NIPBL: variants seen among roughly 807,000 people sequenced by gnomAD.
NIPBL encodes NIPBL cohesin loading factor.
A neutral mutation model predicts 321.8 loss-of-function variants in NIPBL; 19 were observed. The ratio of observed to expected loss-of-function variants is 0.06; its 90% confidence interval spans 0.04 to 0.09. The LOEUF is 0.09. Among genes scored for constraint, NIPBL ranks in the 10% least tolerant of loss-of-function variants. The pLI, the probability that NIPBL is intolerant of heterozygous loss-of-function variation, is 1.00. For synonymous variants in NIPBL, 1,106 were observed against 1,114.1 expected, an observed-to-expected ratio of 0.99 and a Z score of 0.14; for missense variants, 2,210 against 3,327.0, an observed-to-expected ratio of 0.66 and a Z score of 8.26.
At chr5:36,916,865 G>T (rs917242184) in intron 1 of NIPBL, among the ~76,000 whole-genome samples, 9 of 152,244 alleles carry the variant, frequency 5.9e-5, no homozygotes, top group Admixed American at 5.9e-4. Flanking sequence ...ATTCCATGGT[G>T]TATATGTGCC....
At chr5:37,035,500 C>T (rs938486529) in intron 32 of NIPBL, among the ~76,000 whole-genome samples, 1 of 152,146 alleles carries the variant, frequency 6.6e-6, no homozygotes, top group African/African-American at 2.4e-5. Context: ...TTGTGCTGCC[C>T]AAGCTTGTGC....
chr5:37,019,732 C>G (rs1580491606), intron 25 of NIPBL, among the ~76,000 whole-genome samples: 1 of 152,064 alleles, frequency 6.6e-6, no homozygotes, highest in South Asian at 2.1e-4. Context: ...ATCTATAAGC[C>G]TGTAAAAATA....
Position 36,898,511 on chromosome 5 carries a change from CT to C in NIPBL, c.-80+21350del, listed in dbSNP as rs550485997. Among the ~76,000 whole-genome samples, 292 of 135,350 alleles carry C rather than the reference CT, an allele frequency of 2.2e-3. 1 individual carries two copies. Among genetic ancestry groups the C allele is most frequent in the Middle Eastern group, 7.6e-3 (2 of 262 alleles). The allele number at this position is 135,350 out of a possible 152,430, so 88.8% of individuals were successfully genotyped here. ...AATCAAACCTATGTTTTTCTGATTC[CT>C]TTTTTTTTTTTTTTTTGAGACGGAG... is the stretch of plus-strand genomic sequence containing the variant. On this transcript the variant is annotated intron_variant, in intron 1 of 46. Transcript: ENST00000282516.
intron 1 of NIPBL, among the ~76,000 whole-genome samples, chr5:36,951,489 G>T (rs1020425430): frequency 1.3e-5 from 2 of 152,082 alleles, no homozygotes; most frequent in Non-Finnish European, 2.9e-5. Flanking sequence ...TCATTCAATG[G>T]TTTCTTTCCA....
chr5:36,886,562 G>T, intron 1 of NIPBL: 1 of 625,980 alleles, frequency 1.6e-6, no homozygotes, highest in Non-Finnish European at 2.9e-6. Context: ...GGTCATTGGG[G>T]GAAAATAGGC....
intron 21 of NIPBL, among the ~76,000 whole-genome samples, chr5:37,012,389 T>C (rs1748244946): frequency 6.6e-6 from 1 of 150,488 alleles, no homozygotes; most frequent in Non-Finnish European, 1.5e-5. Context: ...TCTGCTTTGA[T>C]ATCCTGAATC....
At position 36,921,644 on chromosome 5, in the gene NIPBL, A is replaced by C. The variant is rs1748948816; in HGVS notation, c.-79-31974A>C. On this transcript the variant is annotated intron_variant, in intron 1 of 46. Coordinates refer to ENST00000282516, the MANE Select transcript of NIPBL (RefSeq NM_133433.4). Reference sequence around the variant, plus strand: ...GCAGGATTTTAGTTTGCCTTCAGTTAGGGAAAGGAGAATTCATTTGCCACA... The same window carrying C: ...GCAGGATTTTAGTTTGCCTTCAGTTCGGGAAAGGAGAATTCATTTGCCACA... Among the ~76,000 whole-genome samples the C allele has an allele frequency of 2.0e-5, 3 of 152,308 alleles. No homozygotes were observed. In the Middle Eastern group the frequency reaches 0.01, roughly 518 times the overall value.
In NIPBL at chr5:37,032,386, C is replaced by CGTGTGTGT. The variant is rs58831894; in HGVS notation, c.5863-3948_5863-3941dup. Among the ~76,000 whole-genome samples the CGTGTGTGT allele has an allele frequency of 7.0e-3, 860 of 123,586 alleles. 12 individuals are homozygous for CGTGTGTGT. Among genetic ancestry groups the CGTGTGTGT allele is most frequent in the East Asian group, 9.3e-3 (36 of 3,886 alleles). 81.1% of individuals were successfully genotyped at this position (123,586 alleles called of 152,430 possible). ...GTGTATGCATATGCATACATGTATA[C>CGTGTGTGT]GTGTGTGTGTGTGTGTGTGTGTGTG... On this transcript the variant is annotated intron_variant, in intron 32 of 46. Transcript: ENST00000282516.
intron 32 of NIPBL, among the ~76,000 whole-genome samples, chr5:37,034,530 T>C (rs529531169): frequency 2.0e-5 from 3 of 152,158 alleles, no homozygotes; most frequent in Non-Finnish European, 4.4e-5. Context: ...TGGGGTGTTG[T>C]ACAGCAGAGA....
chr5:36,995,869 A>C, intron 11 of NIPBL, 65 bp downstream of exon 11: 6 of 1,441,656 alleles, frequency 4.2e-6, no homozygotes, highest in Non-Finnish European at 5.8e-6. Context: ...TGTTTTTCTC[A>C]TTTATAATTT....
chr5:37,042,258 A>G (rs1752478982), intron 34 of NIPBL, among the ~76,000 whole-genome samples: 1 of 150,690 alleles, frequency 6.6e-6, no homozygotes, highest in South Asian at 2.1e-4. Context: ...AGCATGGTGA[A>G]ACCCTGTCTC....
intron 9 of NIPBL, among the ~76,000 whole-genome samples, chr5:36,980,437 A>G (rs1744007931): frequency 6.6e-6 from 1 of 151,700 alleles, no homozygotes; most frequent in Non-Finnish European, 1.5e-5. Context: ...ATAGTCACGT[A>G]TCACATAATG....
chr5:36,987,532 T>G (rs1189171317), intron 10 of NIPBL, among the ~76,000 whole-genome samples: 1 of 152,232 alleles, frequency 6.6e-6, no homozygotes, highest in Non-Finnish European at 1.5e-5. Context: ...GTAGCTTGTC[T>G]ACCAAGAAAG....
chr5:36,999,124 G>T (rs1425869107), intron 11 of NIPBL, among the ~76,000 whole-genome samples: 1 of 152,106 alleles, frequency 6.6e-6, no homozygotes, highest in Admixed American at 6.6e-5. Flanking sequence ...AATAAGATTA[G>T]ACAGAGTATA....
chr5:37,014,314 T>C (rs1748667418), intron 21 of NIPBL, among the ~76,000 whole-genome samples: 1 of 152,112 alleles, frequency 6.6e-6, no homozygotes, highest in African/African-American at 2.4e-5. Context: ...TTTTTTTGAT[T>C]GTATGGATTA....
At chr5:36,918,710 A>C (rs1226188056) in intron 1 of NIPBL, among the ~76,000 whole-genome samples, 2 of 152,052 alleles carry the variant, frequency 1.3e-5, no homozygotes, top group African/African-American at 4.8e-5. Flanking sequence ...TCAATACCTA[A>C]TTTATTGAGA....
At chr5:36,895,429 T>C (rs1389461150) in intron 1 of NIPBL, among the ~76,000 whole-genome samples, 1 of 152,230 alleles carries the variant, frequency 6.6e-6, no homozygotes, top group South Asian at 2.1e-4. Flanking sequence ...GTTATAAGCA[T>C]TCATTTGTAA....
chr5:37,055,545 G>A, intron 42 of NIPBL, among the ~76,000 whole-genome samples: 1 of 152,000 alleles, frequency 6.6e-6, no homozygotes, highest in East Asian at 1.9e-4. Flanking sequence ...ACATAAAAAG[G>A]GAGTAGTCAA....
intron 1 of NIPBL, among the ~76,000 whole-genome samples, chr5:36,906,085 T>G (rs1295369677): frequency 6.6e-6 from 1 of 152,092 alleles, no homozygotes; most frequent in Non-Finnish European, 1.5e-5. Flanking sequence ...AGACATGCCT[T>G]ACTACATATT....
Sources: allele counts gnomAD v4.1 joint callset (sites outside exome capture counted in the v4.1 genomes callset), GRCh38; gene constraint gnomAD v4.1.1; transcripts MANE v1.5; gene names NCBI Gene and HGNC (gene_info 2026-07-23, HGNC 2026-07-21).